The following ZC3HAV1 variants were observed in gnomAD, a reference collection of about 807,000 sequenced individuals.
The protein encoded by ZC3HAV1 is zinc finger CCCH-type containing, antiviral 1, also known as zinc finger CCCH-type antiviral protein 1.
A neutral mutation model predicts 86.6 loss-of-function variants in ZC3HAV1; 41 were observed. That is an observed-to-expected ratio of 0.47 (90% CI 0.37 to 0.61). The LOEUF is 0.61. Ranked by LOEUF, ZC3HAV1 falls within the 20% of genes least tolerant of loss-of-function variation. The pLI, the probability that ZC3HAV1 is intolerant of heterozygous loss-of-function variation, is 0.00. For synonymous variants in ZC3HAV1, 421 were observed against 432.1 expected (o/e 0.97, Z 0.32); for missense variants, 964 against 1,141.1 (o/e 0.84, Z 2.24).
rs143317430 is a variant in ZC3HAV1, at chr7:139,078,560, G to C, written c.1565C>G (p.Pro522Arg). 8 of 1,593,008 alleles carry C rather than the reference G, an allele frequency of 5.0e-6. No individual in the cohort carries two copies. The South Asian group carries it at 8.1e-5, about 16-fold the overall frequency. Residue 522 changes from proline to arginine, a missense_variant, in exon 5 of 13, where the codon CCG (proline) becomes CGG (arginine). By Grantham distance (103) the Pro-to-Arg change is moderately radical. Coordinates refer to ENST00000242351, the MANE Select transcript of ZC3HAV1 (RefSeq NM_020119.4). The part of the protein sequence containing the change: ...ICLDHLCKGC[P>R]LNGSCSKVHF... ...GTCCTTAGGTTACTCACCATTAAGC[G>C]GACAACCCTTACACAGATGGTCAAG...
At chr7:139,060,702 A>C (rs1424458697) in intron 9 of ZC3HAV1, 14 of 1,090,328 alleles carry the variant, frequency 1.3e-5, no homozygotes, top group Non-Finnish European at 1.6e-5. Flanking sequence ...AAGAATCCAC[A>C]GCAAAACAAA....
In ZC3HAV1 at chr7:139,064,875, C is replaced by T. The variant is rs1816551485; in HGVS notation, c.1993+4G>A. 1.9e-6 allele frequency: 3 copies of T among 1,613,958 alleles called. No homozygotes were observed. Among genetic ancestry groups the T allele is most frequent in the South Asian group, 2.2e-5 (2 of 91,088 alleles). ...ACACAACACTGCCAAACACAGAAAC[C>T]CACCTTGGAAACTCAGCTCATAGTT... On this transcript the variant is annotated splice_donor_region_variant and intron_variant, in intron 8 of 12. Coordinates refer to ENST00000242351, the MANE Select transcript of ZC3HAV1 (RefSeq NM_020119.4).
chr7:139,097,779 A>G (rs1817651181), intron 1 of ZC3HAV1, among the ~76,000 whole-genome samples: 1 of 151,588 alleles, frequency 6.6e-6, no homozygotes, highest in African/African-American at 2.4e-5. Context: ...TTCAGCCCAG[A>G]AAAGTATTGC....
At chr7:139,058,022 C>T (rs1018143573) in intron 9 of ZC3HAV1, among the ~76,000 whole-genome samples, 7 of 151,964 alleles carry the variant, frequency 4.6e-5, no homozygotes, top group African/African-American at 1.2e-4. Context: ...TGAACAGTGA[C>T]GTGTGCCGTA....
chr7:139,061,226 C>A (rs1050495493), intron 8 of ZC3HAV1, 88 bp from the exon 9 acceptor site: 1 of 1,288,514 alleles, frequency 7.8e-7, no homozygotes. Context: ...GCTATTTACA[C>A]GGCAAATATT....
At position 139,079,151 on chromosome 7, in the gene ZC3HAV1, A is replaced by C. The variant is rs1364496934; in HGVS notation, c.1471+319T>G. On this transcript the variant is annotated intron_variant, in intron 4 of 12. Coordinates refer to ENST00000242351, the MANE Select transcript of ZC3HAV1 (RefSeq NM_020119.4). ...CCTTGTGAGCTCGCTGGCAGAGGAA[A>C]CAGGAACCTGGGTGCAGTTCTGCCC... is the stretch of plus-strand genomic sequence containing the variant. The C allele has an allele frequency of 2.6e-6, 4 of 1,536,176 alleles. No homozygotes were observed. In the South Asian group the frequency reaches 4.8e-5, roughly 18 times the overall value.
intron 8 of ZC3HAV1, among the ~76,000 whole-genome samples, chr7:139,063,222 A>G (rs1272044832): frequency 3.4e-5 from 5 of 147,482 alleles, no homozygotes; most frequent in African/African-American, 1.3e-4. Flanking sequence ...ACCCTTTTAA[A>G]CCATAAAAAC....
intron 2 of ZC3HAV1, among the ~76,000 whole-genome samples, chr7:139,085,300 T>C (rs972557713): frequency 2.0e-5 from 3 of 152,248 alleles, no homozygotes; most frequent in Admixed American, 6.5e-5. Flanking sequence ...CACGCCGATA[T>C]TAAGCAAGAA....
At chr7:139,063,047 A>T (rs986277657) in intron 8 of ZC3HAV1, among the ~76,000 whole-genome samples, 5 of 150,048 alleles carry the variant, frequency 3.3e-5, no homozygotes, top group Non-Finnish European at 5.9e-5. Flanking sequence ...AAAAAAAAAA[A>T]AAAAGAAAGA....
intron 1 of ZC3HAV1, among the ~76,000 whole-genome samples, chr7:139,097,434 T>TTTTTATTTTTTTTTA (rs1554445032): frequency 7.6e-5 from 8 of 105,798 alleles, no homozygotes; most frequent in African/African-American, 3.6e-4. Context: ...ATATATTTTT[T>TTTTTATTTTTTTTTA]TTTTTTTTTT....
At chr7:139,062,589 C>T (rs759906304) in intron 8 of ZC3HAV1, among the ~76,000 whole-genome samples, 2 of 152,204 alleles carry the variant, frequency 1.3e-5, no homozygotes, top group African/African-American at 4.8e-5. Context: ...GTTTACTTGA[C>T]CATTGTCTCT....
At chr7:139,099,796 G>A (rs1367766285) in intron 1 of ZC3HAV1, among the ~76,000 whole-genome samples, 11 of 152,096 alleles carry the variant, frequency 7.2e-5, no homozygotes, top group African/African-American at 1.7e-4. Flanking sequence ...GCATGGTGGC[G>A]CGTGCCTGTA....
rs759834356 is a variant in ZC3HAV1 at position 139,079,626 on chromosome 7, T to C, written c.1315A>G (p.Ile439Val). ...TAATTTAAGGATCTGGTAGAAGTTATATCTGTGGCCACTCCATCAGCATTA... is the reference window on the plus strand; with the variant it reads ...TAATTTAAGGATCTGGTAGAAGTTACATCTGTGGCCACTCCATCAGCATTA... ...NNNADGVATDITSTRSLNYKS... is the reference protein window; with the variant it reads ...NNNADGVATDVTSTRSLNYKS... Residue 439 changes from isoleucine to valine, a missense_variant, in exon 4 of 13, where the codon ATA (isoleucine) becomes GTA (valine). Ile to Val is a conservative substitution (Grantham distance 29, BLOSUM62 3). Coordinates refer to ENST00000242351, the MANE Select transcript of ZC3HAV1 (RefSeq NM_020119.4). 12 of 1,614,080 alleles carry C rather than the reference T, an allele frequency of 7.4e-6. No individual in the cohort carries two copies. Among genetic ancestry groups the C allele is most frequent in the Non-Finnish European group, 9.3e-6 (11 of 1,180,044 alleles).
intron 6 of ZC3HAV1, among the ~76,000 whole-genome samples, chr7:139,074,991 T>C (rs1194623502): frequency 6.6e-6 from 1 of 152,180 alleles, no homozygotes; most frequent in Non-Finnish European, 1.5e-5. Flanking sequence ...AGATCAGTGG[T>C]TCTCAATCAG....
At chr7:139,068,185 G>A (rs1452309309) in intron 7 of ZC3HAV1, among the ~76,000 whole-genome samples, 2 of 151,540 alleles carry the variant, frequency 1.3e-5, no homozygotes, top group African/African-American at 2.4e-5. Flanking sequence ...TCAGCCTCCC[G>A]AATAGCTGGG....
intron 9 of ZC3HAV1, among the ~76,000 whole-genome samples, chr7:139,058,189 TA>T (rs909304959): frequency 5.0e-5 from 7 of 140,318 alleles, no homozygotes; most frequent in African/African-American, 1.0e-4. Flanking sequence ...TTTTCTAATT[TA>T]TTTTTTTTAT....
At chr7:139,091,415 C>T (rs1817431654) in intron 1 of ZC3HAV1, among the ~76,000 whole-genome samples, 1 of 152,010 alleles carries the variant, frequency 6.6e-6, no homozygotes, top group Non-Finnish European at 1.5e-5. Flanking sequence ...TTGCAGTGAG[C>T]CGAGATCGCG....
intron 4 of ZC3HAV1, 52 bp downstream of exon 4, chr7:139,079,418 G>C (rs371596242): frequency 3.0e-5 from 49 of 1,613,440 alleles, no homozygotes; most frequent in Admixed American, 3.3e-5. Flanking sequence ...AGAGCCATTT[G>C]GTATATCATG....
At chr7:139,089,029 G>A (rs1817355174) in intron 2 of ZC3HAV1, among the ~76,000 whole-genome samples, 1 of 150,154 alleles carries the variant, frequency 6.7e-6, no homozygotes, top group South Asian at 2.1e-4. Flanking sequence ...TTAAACCTGG[G>A]AGGCAGAGGT....
Sources: allele counts gnomAD v4.1 joint callset (sites outside exome capture counted in the v4.1 genomes callset), GRCh38; gene constraint gnomAD v4.1.1; transcripts MANE v1.5; gene names NCBI Gene and HGNC (gene_info 2026-07-23, HGNC 2026-07-21).